FAM13A: variants seen among roughly 807,000 people sequenced by gnomAD.
FAM13A encodes family with sequence similarity 13 member A.
FAM13A carries 76 observed loss-of-function variants against 129.6 expected under a neutral mutation model. The observed-to-expected ratio is 0.59, with a 90% confidence interval of 0.49 to 0.71. The LOEUF (loss-of-function observed/expected upper bound fraction) is 0.71, where lower values mean the gene tolerates loss of function less well. Among genes scored for constraint, FAM13A ranks in the 30% least tolerant of loss-of-function variants. FAM13A has a pLI of 0.00. For synonymous variants in FAM13A, 443 were observed against 449.9 expected (o/e 0.98, Z 0.20); for missense variants, 1,108 against 1,249.3 (o/e 0.89, Z 1.70).
chr4:89,011,744 C>A (rs1238929832), intron 3 of FAM13A, among the ~76,000 whole-genome samples: 1 of 152,156 alleles, frequency 6.6e-6, no homozygotes, highest in African/African-American at 2.4e-5. Context: ...ATTTTCCTCT[C>A]CATACAAGTT....
intron 7 of FAM13A, among the ~76,000 whole-genome samples, chr4:88,827,697 C>T (rs1272170122): frequency 1.3e-5 from 2 of 152,164 alleles, no homozygotes; most frequent in Non-Finnish European, 2.9e-5. Context: ...TATTGATTGA[C>T]CTGTCATGTT....
intron 8 of FAM13A, among the ~76,000 whole-genome samples, chr4:88,804,194 AG>A (rs1728099004): frequency 6.6e-6 from 1 of 152,152 alleles, no homozygotes. Context: ...CGGAGGTTGC[AG>A]TGAGTCGAGA....
At chr4:88,897,213 T>G (rs959956544) in intron 6 of FAM13A, among the ~76,000 whole-genome samples, 1 of 152,226 alleles carries the variant, frequency 6.6e-6, no homozygotes, top group African/African-American at 2.4e-5. Context: ...TCTAAAAATC[T>G]GTTTGATGTT....
At chr4:88,751,843 T>C (rs1742689855) in intron 14 of FAM13A, among the ~76,000 whole-genome samples, 1 of 152,238 alleles carries the variant, frequency 6.6e-6, no homozygotes, top group African/African-American at 2.4e-5. Flanking sequence ...TGTGGATTAC[T>C]GTGATTTACA....
At chr4:88,824,848 C>T (rs1165062643) in intron 7 of FAM13A, among the ~76,000 whole-genome samples, 2 of 152,060 alleles carry the variant, frequency 1.3e-5, no homozygotes, top group East Asian at 3.9e-4. Flanking sequence ...GCTGGAATTA[C>T]AGGCGCCCGC....
intron 7 of FAM13A, among the ~76,000 whole-genome samples, chr4:88,833,062 A>G (rs1734178505): frequency 6.6e-6 from 1 of 152,224 alleles, no homozygotes; most frequent in Non-Finnish European, 1.5e-5. Context: ...AAAAGGAACA[A>G]GATCATGTCG....
chr4:88,846,231 T>C (rs913801594), intron 7 of FAM13A, among the ~76,000 whole-genome samples: 1 of 152,224 alleles, frequency 6.6e-6, no homozygotes, highest in Non-Finnish European at 1.5e-5. Context: ...AGTAGCAAAC[T>C]GGTTAACTTT....
chr4:88,914,013 G>GA (rs57196313), intron 5 of FAM13A, among the ~76,000 whole-genome samples: 201 of 144,226 alleles, frequency 1.4e-3, no homozygotes, highest in Middle Eastern at 3.6e-3. Context: ...AAAAAAAAAA[G>GA]AAAAAAAAAA....
intron 7 of FAM13A, among the ~76,000 whole-genome samples, chr4:88,843,069 T>C (rs1578915627): frequency 1.3e-5 from 2 of 152,230 alleles, no homozygotes; most frequent in South Asian, 2.1e-4. Flanking sequence ...TGGGAGCTAG[T>C]GGCGGTCAAG....
intron 6 of FAM13A, among the ~76,000 whole-genome samples, chr4:88,899,129 T>C (rs1473506448): frequency 4.0e-5 from 6 of 151,404 alleles, no homozygotes; most frequent in Admixed American, 6.6e-5. Flanking sequence ...TATATATACA[T>C]ACATACGTAT....
chr4:88,947,021 C>A (rs922423923), intron 4 of FAM13A, among the ~76,000 whole-genome samples: 2 of 151,810 alleles, frequency 1.3e-5, no homozygotes, highest in East Asian at 1.9e-4. Flanking sequence ...TTGGCCTGAC[C>A]AAAAGGGGAA....
intron 7 of FAM13A, among the ~76,000 whole-genome samples, chr4:88,835,918 G>A (rs934361369): frequency 6.6e-6 from 1 of 152,042 alleles, no homozygotes; most frequent in Non-Finnish European, 1.5e-5. Flanking sequence ...GGGGGTTGGG[G>A]ACCCCTGCTC....
At chr4:88,823,046 T>C in intron 7 of FAM13A, 1 of 1,612,540 alleles carries the variant, frequency 6.2e-7, no homozygotes, top group Admixed American at 1.7e-5. Context: ...AACTGTCTCT[T>C]CCACGGCAAG....
At chr4:88,848,689 A>G (rs924460171) in intron 7 of FAM13A, among the ~76,000 whole-genome samples, 2 of 152,164 alleles carry the variant, frequency 1.3e-5, no homozygotes, top group East Asian at 1.9e-4. Flanking sequence ...TTTCCTTTCC[A>G]TGGTTGTCAT....
chr4:88,982,864 T>A (rs1317227524), intron 4 of FAM13A, among the ~76,000 whole-genome samples: 3 of 152,192 alleles, frequency 2.0e-5, no homozygotes, highest in Admixed American at 6.5e-5. Context: ...CCAGAAGTAT[T>A]CATTATCCAC....
intron 7 of FAM13A, chr4:88,823,009 G>T (rs767211659): frequency 1.9e-6 from 3 of 1,613,458 alleles, no homozygotes; most frequent in Non-Finnish European, 1.7e-6. Flanking sequence ...AGCCATTCTC[G>T]TATGTAAATT....
intron 4 of FAM13A, among the ~76,000 whole-genome samples, chr4:88,950,998 G>A (rs1000433136): frequency 3.9e-5 from 6 of 152,174 alleles, no homozygotes; most frequent in African/African-American, 1.4e-4. Context: ...AAAGGGAGGT[G>A]GGGCTCAGGT....
chr4:88,994,347 G>A (rs1218741481), intron 3 of FAM13A, among the ~76,000 whole-genome samples: 1 of 152,080 alleles, frequency 6.6e-6, no homozygotes, highest in Admixed American at 6.5e-5. Flanking sequence ...AAGTGTTTCT[G>A]GAAATATCTG....
At chr4:88,850,883 G>T in intron 7 of FAM13A, 137 bp downstream of exon 7, 2 of 685,028 alleles carry the variant, frequency 2.9e-6, no homozygotes. Flanking sequence ...AACATAGAGT[G>T]AATTTTAAGT....
Sources: allele counts gnomAD v4.1 joint callset (sites outside exome capture counted in the v4.1 genomes callset), GRCh38; gene constraint gnomAD v4.1.1; transcripts MANE v1.5; gene names NCBI Gene and HGNC (gene_info 2026-07-23, HGNC 2026-07-21).